Variants in BPIFC observed in about 807,000 individuals in gnomAD.
The protein encoded by BPIFC is BPI fold-containing family C protein.
Under a neutral mutation model 57.6 loss-of-function variants are expected in BPIFC, and 60 were observed. That is an observed-to-expected ratio of 1.04 (90% CI 0.85 to 1.29). The LOEUF (loss-of-function observed/expected upper bound fraction) is 1.29, where lower values mean the gene tolerates loss of function less well. Among genes scored for constraint, BPIFC ranks in the 50% most tolerant of loss-of-function variants. The probability of loss-of-function intolerance (pLI) is 0.00; values close to 1 mark genes in which losing one functional copy is unlikely to be tolerated. For synonymous variants in BPIFC, 243 were observed against 224.5 expected (o/e 1.08, Z -0.74); for missense variants, 581 against 600.5 (o/e 0.97, Z 0.34).
intron 4 of BPIFC, among the ~76,000 whole-genome samples, chr22:32,451,144 A>G (rs1207696149): frequency 6.6e-6 from 1 of 152,238 alleles, no homozygotes; most frequent in Non-Finnish European, 1.5e-5. Flanking sequence ...CACCCTGTCT[A>G]GCAATGCATG....
intron 4 of BPIFC, among the ~76,000 whole-genome samples, chr22:32,453,099 G>C (rs1774959638): frequency 6.6e-6 from 1 of 152,128 alleles, no homozygotes; most frequent in African/African-American, 2.4e-5. Flanking sequence ...TAGAGCTTCA[G>C]AAAAACTCAT....
At chr22:32,463,161 G>T (rs984986709) in intron 1 of BPIFC, among the ~76,000 whole-genome samples, 1 of 152,106 alleles carries the variant, frequency 6.6e-6, no homozygotes, top group East Asian at 1.9e-4. Context: ...GGTATGAAGG[G>T]GTGAATTGTA....
At chr22:32,447,037 A>C (rs942029662) in intron 5 of BPIFC, among the ~76,000 whole-genome samples, 175 bp downstream of exon 5, 2 of 151,932 alleles carry the variant, frequency 1.3e-5, no homozygotes, top group Non-Finnish European at 2.9e-5. Flanking sequence ...TTTCATCAAA[A>C]CCCCCCAGTA....
chr22:32,420,531 A>G (rs571435118), intron 13 of BPIFC, among the ~76,000 whole-genome samples: 1 of 152,280 alleles, frequency 6.6e-6, no homozygotes, highest in South Asian at 2.1e-4. Flanking sequence ...AAGCTATCTG[A>G]TGTGAAAGGT....
At chr22:32,442,150 C>T (rs1934582912) in intron 8 of BPIFC, among the ~76,000 whole-genome samples, 2 of 152,150 alleles carry the variant, frequency 1.3e-5, no homozygotes, top group Admixed American at 1.3e-4. Context: ...GCAGAGAAAA[C>T]AGCAAAAGCA....
intron 2 of BPIFC, among the ~76,000 whole-genome samples, chr22:32,461,013 T>C (rs539662107): frequency 6.6e-6 from 1 of 152,326 alleles, no homozygotes; most frequent in Non-Finnish European, 1.5e-5. Context: ...AAAGTATTTG[T>C]GTACTAGTAA....
chr22:32,462,000 T>C (rs959348819), intron 1 of BPIFC, among the ~76,000 whole-genome samples: 1 of 150,756 alleles, frequency 6.6e-6, no homozygotes. Context: ...GGTGAAACTG[T>C]CTCTACTAAA....
chr22:32,444,217 C>A (rs528304130), intron 7 of BPIFC, among the ~76,000 whole-genome samples: 54 of 152,256 alleles, frequency 3.5e-4, no homozygotes, highest in African/African-American at 1.3e-3. Context: ...GTTTGGGGTC[C>A]TTGAGGATGA....
At chr22:32,430,668 T>TCTCAA (rs1934214919) in intron 13 of BPIFC, among the ~76,000 whole-genome samples, 1 of 151,282 alleles carries the variant, frequency 6.6e-6, no homozygotes, top group Non-Finnish European at 1.5e-5. Context: ...AGAGACAAGG[T>TCTCAA]CTCATTCTAT....
intron 13 of BPIFC, among the ~76,000 whole-genome samples, chr22:32,424,692 C>CTT (rs1491454009): frequency 5.3e-3 from 299 of 56,780 alleles, no homozygotes; most frequent in South Asian, 0.016. Flanking sequence ...TCTTCTTCTT[C>CTT]CTCTTCTTCT....
chr22:32,457,363 G>A lies in BPIFC; in HGVS notation c.24C>T (p.Val8=). The part of the protein sequence containing the change: MCTKTIP[V]LWGCFLLWNL... ...TCCACAGGAGGAAACATCCCCAGAG[G>A]ACTGGGATTGTCTTTGTACACATCT... The change falls in exon 3 of 17, where the codon GTC becomes GTT. Residue 8 remains valine, a synonymous_variant. Transcript: ENST00000300399. The A allele has an allele frequency of 1.2e-6, 2 of 1,610,612 alleles. No homozygotes were observed. The highest frequency in any genetic ancestry group is 1.7e-6 in the Non-Finnish European group (2 of 1,178,976).
intron 1 of BPIFC, among the ~76,000 whole-genome samples, chr22:32,463,652 C>G (rs548716969): frequency 6.6e-6 from 1 of 152,252 alleles, no homozygotes; most frequent in Admixed American, 6.5e-5. Context: ...AAATTAAGTT[C>G]AACAGGTTTA....
Position 32,446,607 on chromosome 22 carries a change from A to G in BPIFC, c.374+605T>C, listed in dbSNP as rs1242043696. 2.4e-5 allele frequency: 7 copies of G among 287,812 alleles called. No homozygotes were observed. The East Asian group carries it at 1.2e-3, about 50-fold the overall frequency. The allele number at this position is 287,812 out of a possible 1,614,324, so 17.8% of individuals were successfully genotyped here. ...ATAAATGTTACACAGCAGGCACTCA[A>G]TAAATGGTTGTTGACTGACTTAGTG... On this transcript the variant is annotated intron_variant, in intron 5 of 16. Transcript: ENST00000300399.
intron 5 of BPIFC, among the ~76,000 whole-genome samples, chr22:32,446,538 G>A (rs781745563): frequency 3.9e-5 from 6 of 152,304 alleles, no homozygotes; most frequent in Non-Finnish European, 8.8e-5. Flanking sequence ...TGGGGAACGT[G>A]TCATTTCTCT....
rs141944089 is a variant in BPIFC, at chr22:32,420,540, G to A, written c.1218-1136C>T. On this transcript the variant is annotated intron_variant, in intron 13 of 16. Transcript: ENST00000300399. The stretch of plus-strand genomic sequence containing the variant: ...CTAAGAAAGCTATCTGATGTGAAAG[G>A]TACAGTATAATTGTTAGTAACCCCA... 6.6e-3 allele frequency among the ~76,000 whole-genome samples: 1,008 copies of A among 152,254 alleles called. 12 individuals are homozygous for A. The highest frequency in any genetic ancestry group is 9.5e-3 in the Non-Finnish European group (647 of 68,020).
At chr22:32,459,073 A>G (rs1400871590) in intron 2 of BPIFC, among the ~76,000 whole-genome samples, 2 of 152,232 alleles carry the variant, frequency 1.3e-5, no homozygotes, top group Non-Finnish European at 2.9e-5. Flanking sequence ...TAATATATTC[A>G]CAGGCCTTCT....
At chr22:32,423,624 T>C (rs189435724) in intron 13 of BPIFC, among the ~76,000 whole-genome samples, 5 of 145,166 alleles carry the variant, frequency 3.4e-5, no homozygotes, top group Admixed American at 1.4e-4. Context: ...TGTGTGTTGA[T>C]GGTGGAGTTC....
At chr22:32,424,672 T>TCCTCCTCCTCCTCCTCCTCC (rs1933977932) in intron 13 of BPIFC, among the ~76,000 whole-genome samples, 1 of 86,888 alleles carries the variant, frequency 1.2e-5, no homozygotes, top group Non-Finnish European at 2.1e-5. Flanking sequence ...CTTCTTCTTC[T>TCCTCCTCCTCCTCCTCCTCC]TCTTCTTCTT....
intron 9 of BPIFC, 106 bp from the exon 10 acceptor site, chr22:32,435,986 C>T (rs969168840): frequency 1.9e-5 from 25 of 1,327,440 alleles, no homozygotes; most frequent in Middle Eastern, 2.8e-4. Flanking sequence ...TCCAGAAGCT[C>T]GGGCCAGGTG....
Sources: gnomAD v4.1 joint callset for allele counts (sites outside exome capture counted in the v4.1 genomes callset) on GRCh38, gnomAD v4.1.1 for gene constraint, MANE v1.5 for transcripts, NCBI Gene and HGNC (gene_info 2026-07-23, HGNC 2026-07-21) for gene names.